Variants in VPS8 observed in about 807,000 individuals in gnomAD.
The protein encoded by VPS8 is vacuolar protein sorting-associated protein 8 homolog.
Under a neutral mutation model 216.4 loss-of-function variants are expected in VPS8, and 129 were observed. The observed-to-expected ratio is 0.60, with a 90% CI of 0.52 to 0.69. The LOEUF is 0.69. VPS8 is among the 30% of genes least tolerant of loss of function. VPS8 has a pLI of 0.00. For synonymous variants in VPS8, 571 were observed against 565.4 expected, an observed-to-expected ratio of 1.01 and a Z score of -0.14; for missense variants, 1,531 against 1,683.5, an observed-to-expected ratio of 0.91 and a Z score of 1.59.
intron 45 of VPS8, among the ~76,000 whole-genome samples, chr3:185,021,239 G>A (rs1007679395): frequency 6.6e-6 from 1 of 152,180 alleles, no homozygotes; most frequent in African/African-American, 2.4e-5. Context: ...CAGATCTAGT[G>A]TCTGCATACC....
In VPS8 at chr3:185,043,642, T is replaced by C. The variant is rs1048684032; in HGVS notation, c.4057-4837T>C. 2.6e-5 allele frequency among the ~76,000 whole-genome samples: 4 copies of C among 152,228 alleles called. No homozygotes were observed. The East Asian group carries it at 7.7e-4, about 29-fold the overall frequency. On this transcript the variant is annotated intron_variant, in intron 46 of 47. Coordinates refer to ENST00000625842, the MANE Select transcript of VPS8 (RefSeq NM_001009921.3). ...CTTAGTTCTTAACACTGGGCTTTGG[T>C]CTAGGCTTCCAAAGTCATTTTTAAG...
chr3:184,873,491 G>A (rs1174482305), intron 21 of VPS8, among the ~76,000 whole-genome samples: 3 of 151,992 alleles, frequency 2.0e-5, no homozygotes, highest in African/African-American at 2.4e-5. Flanking sequence ...ACTCTGTAAG[G>A]TGGCTACTGT....
At chr3:184,933,923 T>G (rs1488761653) in intron 34 of VPS8, among the ~76,000 whole-genome samples, 1 of 152,218 alleles carries the variant, frequency 6.6e-6, no homozygotes, top group Non-Finnish European at 1.5e-5. Flanking sequence ...TGGCTATTAT[T>G]GACTTTTGAT....
intron 47 of VPS8, among the ~76,000 whole-genome samples, chr3:185,049,947 C>T (rs13316754): frequency 0.48 from 72,740 of 151,604 alleles, 17,754 homozygotes; most frequent in East Asian, 0.67. Flanking sequence ...ATTGAACTGG[C>T]CTCACCCCCA....
chr3:184,953,630 A>G (rs1745092337), intron 36 of VPS8, among the ~76,000 whole-genome samples: 1 of 152,202 alleles, frequency 6.6e-6, no homozygotes, highest in Non-Finnish European at 1.5e-5. Flanking sequence ...GGTTTCAGAA[A>G]AACAACTCAG....
At chr3:184,877,349 A>G (rs1196479945) in intron 21 of VPS8, among the ~76,000 whole-genome samples, 1 of 152,238 alleles carries the variant, frequency 6.6e-6, no homozygotes, top group Non-Finnish European at 1.5e-5. Context: ...TATGCCCAGC[A>G]TCTGGTTCAG....
intron 11 of VPS8, 89 bp from the exon 12 acceptor site, chr3:184,853,768 G>A: frequency 7.3e-7 from 1 of 1,362,130 alleles, no homozygotes; most frequent in South Asian, 1.3e-5. Flanking sequence ...GAGGTAGGAG[G>A]TAGGAGGCTA....
At chr3:184,885,924 A>G (rs1440997389) in intron 21 of VPS8, 186 bp from the exon 22 acceptor site, 1 of 534,544 alleles carries the variant, frequency 1.9e-6, no homozygotes, top group Non-Finnish European at 3.3e-6. Flanking sequence ...TTCCAGAAAT[A>G]GAATTACTAG....
intron 45 of VPS8, among the ~76,000 whole-genome samples, chr3:185,023,449 C>T (rs1024317334): frequency 3.9e-5 from 6 of 152,122 alleles, no homozygotes; most frequent in African/African-American, 1.4e-4. Context: ...AATCCCAACA[C>T]TCTGGGAGGC....
rs774855486 is a variant in VPS8 at position 184,993,976 on chromosome 3, C to T, written c.3586-7C>T. ...ATTGTAACAGAATTGTAATTTTTTC[C>T]GATTAGGATCCAGTTTATGGAAAAG... On this transcript the variant is annotated splice_region_variant and splice_polypyrimidine_tract_variant and intron_variant, in intron 42 of 47. Transcript: ENST00000625842. 5.3e-5 allele frequency: 81 copies of T among 1,531,426 alleles called. No individual in the cohort carries two copies. Among genetic ancestry groups the T allele is most frequent in the Middle Eastern group, 1.7e-4 (1 of 5,940 alleles). 94.9% of individuals were successfully genotyped at this position (1,531,426 alleles called of 1,614,324 possible).
chr3:184,866,369 A>T (rs1727359659), intron 16 of VPS8, among the ~76,000 whole-genome samples: 1 of 152,258 alleles, frequency 6.6e-6, no homozygotes. Flanking sequence ...AGACAGATGT[A>T]CATTAGTGGT....
chr3:184,824,401 A>G, intron 1 of VPS8, 144 bp from the exon 2 acceptor site: 1 of 503,578 alleles, frequency 2.0e-6, no homozygotes, highest in African/African-American at 1.9e-5. Flanking sequence ...CATACCCTGT[A>G]CCCCACTGTT....
chr3:184,916,773 A>G (rs1737669409), intron 28 of VPS8, among the ~76,000 whole-genome samples: 1 of 152,228 alleles, frequency 6.6e-6, no homozygotes, highest in Admixed American at 6.5e-5. Flanking sequence ...GAGGAGGTTT[A>G]GAAAGAGTGT....
At chr3:184,886,223 T>C in intron 22 of VPS8, 67 bp downstream of exon 22, 1 of 1,398,668 alleles carries the variant, frequency 7.1e-7, no homozygotes, top group South Asian at 1.3e-5. Context: ...TATAAGCCAT[T>C]GCTAAGAATT....
chr3:184,942,531 T>A (rs1300427714), intron 36 of VPS8, among the ~76,000 whole-genome samples: 1 of 152,168 alleles, frequency 6.6e-6, no homozygotes, highest in African/African-American at 2.4e-5. Context: ...TTTCTAGCTT[T>A]ACGTTTGTCT....
chr3:184,824,989 T>G, intron 2 of VPS8: 1 of 565,442 alleles, frequency 1.8e-6, no homozygotes, highest in Non-Finnish European at 3.2e-6. Context: ...CACTGAAGCT[T>G]CAACCTCCTG....
chr3:184,862,602 A>G (rs966754525), intron 15 of VPS8, among the ~76,000 whole-genome samples: 2 of 152,218 alleles, frequency 1.3e-5, no homozygotes, highest in Admixed American at 6.5e-5. Context: ...ATTTGTGCCA[A>G]TTGCTTTAAA....
intron 25 of VPS8, among the ~76,000 whole-genome samples, chr3:184,912,803 G>A (rs1736802531): frequency 6.6e-6 from 1 of 152,162 alleles, no homozygotes; most frequent in Admixed American, 6.5e-5. Flanking sequence ...ATTATGTCCA[G>A]TATTCATATT....
At chr3:185,017,729 C>T (rs1756010401) in intron 45 of VPS8, among the ~76,000 whole-genome samples, 1 of 152,156 alleles carries the variant, frequency 6.6e-6, no homozygotes, top group Non-Finnish European at 1.5e-5. Context: ...TTTTGTGCAG[C>T]GTAAATCTAC....
Sources: allele counts gnomAD v4.1 joint callset (sites outside exome capture counted in the v4.1 genomes callset), GRCh38; gene constraint gnomAD v4.1.1; transcripts MANE v1.5; gene names NCBI Gene and HGNC (gene_info 2026-07-23, HGNC 2026-07-21).